Variants in MAP7 observed in about 807,000 individuals in gnomAD.
MAP7 encodes the protein ensconsin.
In MAP7, 52 loss-of-function variants were observed where a neutral mutation model predicts 94.8. The ratio of observed to expected loss-of-function variants is 0.55; its 90% confidence interval spans 0.44 to 0.69. The LOEUF is 0.69. Among genes scored for constraint, MAP7 ranks in the 30% least tolerant of loss-of-function variants. The pLI, the probability that MAP7 is intolerant of heterozygous loss-of-function variation, is 0.00. For missense variants in MAP7, 940 were observed against 964.6 expected, an observed-to-expected ratio of 0.97 and a Z score of 0.34; for synonymous variants, 350 against 357.0, an observed-to-expected ratio of 0.98 and a Z score of 0.22.
chr6:136,351,742 A>C (rs1789269691), intron 16 of MAP7, among the ~76,000 whole-genome samples: 1 of 152,224 alleles, frequency 6.6e-6, no homozygotes, highest in Non-Finnish European at 1.5e-5. Context: ...TCTCAGCTCC[A>C]AATTCACCCA....
chr6:136,449,544 TTGAACA>T (rs1352669965), intron 1 of MAP7, among the ~76,000 whole-genome samples: 3 of 152,184 alleles, frequency 2.0e-5, no homozygotes, highest in Non-Finnish European at 4.4e-5. Context: ...TTTGCCTTAT[TTGAACA>T]TGATTTGAAC....
chr6:136,377,995 T>C (rs1422884570), intron 6 of MAP7, 127 bp from the exon 7 acceptor site: 2 of 595,340 alleles, frequency 3.4e-6, no homozygotes, highest in Non-Finnish European at 5.9e-6. Context: ...GGAGGATGGT[T>C]GGCCAAGAGT....
intron 6 of MAP7, 87 bp from the exon 7 acceptor site, chr6:136,377,955 G>T: frequency 3.2e-6 from 3 of 938,436 alleles, no homozygotes; most frequent in Non-Finnish European, 5.0e-6. Flanking sequence ...GCTTCCATAC[G>T]CTGGGCCTTC....
intron 1 of MAP7, among the ~76,000 whole-genome samples, chr6:136,473,392 T>C (rs1184822485): frequency 1.3e-5 from 2 of 152,186 alleles, no homozygotes; most frequent in Non-Finnish European, 2.9e-5. Context: ...AATAACAAGC[T>C]GCAATCTCAA....
At chr6:136,345,795 G>A (rs761573624) in intron 17 of MAP7, 61 bp downstream of exon 17, 20 of 1,317,962 alleles carry the variant, frequency 1.5e-5, no homozygotes, top group Middle Eastern at 3.6e-4. Context: ...GCAGCAGTTC[G>A]TGTCCTCCTG....
At chr6:136,424,267 A>G (rs529762104) in intron 1 of MAP7, among the ~76,000 whole-genome samples, 3 of 152,182 alleles carry the variant, frequency 2.0e-5, no homozygotes, top group African/African-American at 7.2e-5. Flanking sequence ...CATGGAAAAA[A>G]AAATTAAAAT....
chr6:136,520,259 G>T (rs755462267), intron 1 of MAP7, among the ~76,000 whole-genome samples: 2 of 150,686 alleles, frequency 1.3e-5, no homozygotes, highest in Admixed American at 6.6e-5. Flanking sequence ...ACAACAAAGA[G>T]ATAATCTCTG....
At chr6:136,475,215 C>T (rs1039296495) in intron 1 of MAP7, among the ~76,000 whole-genome samples, 5 of 152,142 alleles carry the variant, frequency 3.3e-5, no homozygotes, top group Non-Finnish European at 5.9e-5. Flanking sequence ...GGCTTTAATA[C>T]CTAGCACCCA....
chr6:136,354,442 ATATAG>A (rs71803674), intron 16 of MAP7, among the ~76,000 whole-genome samples: 6,100 of 144,274 alleles, frequency 0.042, 304 homozygotes, highest in African/African-American at 0.11. Context: ...AGATATATAT[ATATAG>A]TAGATATATA....
intron 1 of MAP7, among the ~76,000 whole-genome samples, chr6:136,499,816 T>G (rs765286694): frequency 6.6e-6 from 1 of 151,938 alleles, no homozygotes; most frequent in African/African-American, 2.4e-5. Flanking sequence ...CTGGCCGACA[T>G]AGGGAGCTCT....
intron 1 of MAP7, among the ~76,000 whole-genome samples, chr6:136,493,279 C>T (rs1016995028): frequency 2.6e-5 from 4 of 152,020 alleles, no homozygotes; most frequent in Admixed American, 1.3e-4. Flanking sequence ...TGTGCCACCA[C>T]GTCTGGCTAA....
At chr6:136,375,714 G>T (rs1042197749) in intron 7 of MAP7, among the ~76,000 whole-genome samples, 1 of 152,150 alleles carries the variant, frequency 6.6e-6, no homozygotes, top group Non-Finnish European at 1.5e-5. Flanking sequence ...AATGAAGCAG[G>T]CAATGTATTG....
intron 2 of MAP7, chr6:136,420,522 G>T: frequency 3.4e-6 from 1 of 293,804 alleles, no homozygotes; most frequent in Non-Finnish European, 6.5e-6. Flanking sequence ...TGGGGACAGG[G>T]TTCATGTTGT....
intron 2 of MAP7, chr6:136,420,002 C>T (rs1790756950): frequency 1.3e-6 from 1 of 786,922 alleles, no homozygotes; most frequent in South Asian, 1.3e-5. Context: ...TGTTGTGACT[C>T]AAGGATATTA....
At position 136,421,691 on chromosome 6, in the gene MAP7, T is replaced by C. The variant is rs768925957; in HGVS notation, c.166+10A>G. On this transcript the variant is annotated intron_variant, in intron 2 of 17. Coordinates refer to ENST00000354570, the MANE Select transcript of MAP7 (RefSeq NM_003980.6). ...CTTTATTTTCCCACAGTTAATGCAATGCATCATACCTGGTTTATTTCCTGA... is the reference window on the plus strand; with the variant it reads ...CTTTATTTTCCCACAGTTAATGCAACGCATCATACCTGGTTTATTTCCTGA... 4 of 1,608,248 alleles carry C rather than the reference T, an allele frequency of 2.5e-6. No individual in the cohort carries two copies. Among genetic ancestry groups the C allele is most frequent in the Admixed American group, 1.7e-5 (1 of 59,980 alleles).
In MAP7 at chr6:136,422,368, G is replaced by C. The variant is rs541389758; in HGVS notation, c.68-569C>G. Among the ~76,000 whole-genome samples, 4 of 152,164 alleles carry C rather than the reference G, an allele frequency of 2.6e-5. No individual in the cohort carries two copies. The South Asian group carries it at 8.3e-4, about 32-fold the overall frequency. On this transcript the variant is annotated intron_variant, in intron 1 of 17. Transcript: ENST00000354570. ...GAATAAGCCCTGATAAATGCTTTTG[G>C]GGGTGGGGTGCTGGAGGGAGGCTGT...
intron 1 of MAP7, among the ~76,000 whole-genome samples, chr6:136,423,064 A>G (rs1791895515): frequency 6.6e-6 from 1 of 152,232 alleles, no homozygotes; most frequent in Non-Finnish European, 1.5e-5. Flanking sequence ...CTGAGAAGAC[A>G]CATGTTAAAA....
chr6:136,362,489 T>C lies in MAP7; in HGVS notation c.1487A>G (p.Lys496Arg). The change falls in exon 11 of 18, where the codon AAG (lysine) becomes AGG (arginine). Residue 496 changes from lysine to arginine, a missense_variant. By Grantham distance (26) the Lys-to-Arg change is conservative. Coordinates refer to ENST00000354570, the MANE Select transcript of MAP7 (RefSeq NM_003980.6). ...KRRLAREQRE[K>R]EERERREQEE... ...CTGCTCCCTCCTCTCCCTTTCTTCC[T>C]TTTCTCTCTGCTCTCGGGCCAGCCG... is the stretch of plus-strand genomic sequence containing the variant. 1 of 1,614,158 alleles carries C rather than the reference T, an allele frequency of 6.2e-7. No homozygotes were observed.
In MAP7 at chr6:136,451,452, T is replaced by C. The variant is rs114256112; in HGVS notation, c.68-29653A>G. 4.4e-3 allele frequency among the ~76,000 whole-genome samples: 665 copies of C among 152,312 alleles called. 6 individuals are homozygous for C. The highest frequency in any genetic ancestry group is 0.015 in the African/African-American group (634 of 41,568). Reference sequence around the variant, plus strand: ...GAAGAAAAGATTCTTTTCAAAATATTACTGTTCATTGACAATGCATCAGGT... The same window carrying C: ...GAAGAAAAGATTCTTTTCAAAATATCACTGTTCATTGACAATGCATCAGGT... On this transcript the variant is annotated intron_variant, in intron 1 of 17. Coordinates refer to ENST00000354570, the MANE Select transcript of MAP7 (RefSeq NM_003980.6).
Sources: allele counts gnomAD v4.1 joint callset (sites outside exome capture counted in the v4.1 genomes callset), GRCh38; gene constraint gnomAD v4.1.1; transcripts MANE v1.5; gene names NCBI Gene and HGNC (gene_info 2026-07-23, HGNC 2026-07-21).